The following ROBO1 variants were observed in gnomAD, a reference collection of about 807,000 sequenced individuals.
ROBO1 encodes roundabout guidance receptor 1, also known as roundabout homolog 1.
In ROBO1, 149 loss-of-function variants were observed where a neutral mutation model predicts 195.9. The ratio of observed to expected loss-of-function variants is 0.76; its 90% CI spans 0.67 to 0.87. The LOEUF (loss-of-function observed/expected upper bound fraction) is 0.87, where lower values mean the gene tolerates loss of function less well. Among genes scored for constraint, ROBO1 ranks in the 40% least tolerant of loss-of-function variants. The probability of loss-of-function intolerance (pLI) is 0.00; values close to 1 mark genes in which losing one functional copy is unlikely to be tolerated. For synonymous variants in ROBO1, 816 were observed against 733.2 expected (o/e 1.11, Z -1.82); for missense variants, 1,933 against 2,068.3 (o/e 0.93, Z 1.27).
intron 4 of ROBO1, among the ~76,000 whole-genome samples, chr3:78,785,462 T>A (rs1291754278): frequency 6.6e-6 from 1 of 152,198 alleles, no homozygotes; most frequent in African/African-American, 2.4e-5. Context: ...AACACTAAAC[T>A]GTAGGCTGCT....
chr3:79,688,386 G>A (rs1267340137), intron 1 of ROBO1, among the ~76,000 whole-genome samples: 5 of 151,778 alleles, frequency 3.3e-5, no homozygotes, highest in African/African-American at 7.3e-5. Context: ...AAATCACACA[G>A]CTTTTTCTTT....
intron 4 of ROBO1, among the ~76,000 whole-genome samples, chr3:78,898,259 G>A (rs927999060): frequency 2.6e-4 from 39 of 148,934 alleles, no homozygotes; most frequent in Non-Finnish European, 4.9e-4. Context: ...CTTTAGAGAT[G>A]TGTTTTTGTT....
chr3:78,805,078 A>G (rs1222279138), intron 4 of ROBO1, among the ~76,000 whole-genome samples: 1 of 152,054 alleles, frequency 6.6e-6, no homozygotes, highest in Non-Finnish European at 1.5e-5. Context: ...TACAGGATTC[A>G]TTATGATTCA....
At chr3:78,737,399 A>AT (rs1339399723) in intron 5 of ROBO1, among the ~76,000 whole-genome samples, 3 of 152,284 alleles carry the variant, frequency 2.0e-5, no homozygotes, top group South Asian at 4.1e-4. Context: ...TCAAATAGGT[A>AT]TACTAACAAC....
intron 1 of ROBO1, among the ~76,000 whole-genome samples, chr3:79,626,465 C>A (rs1222323538): frequency 6.6e-6 from 1 of 151,802 alleles, no homozygotes; most frequent in East Asian, 1.9e-4. Context: ...AACAAAAAAA[C>A]CTCTCAATAA....
At chr3:79,001,064 T>C (rs982788165) in intron 3 of ROBO1, among the ~76,000 whole-genome samples, 1 of 151,496 alleles carries the variant, frequency 6.6e-6, no homozygotes, top group African/African-American at 2.4e-5. Flanking sequence ...AAGTGGGAGC[T>C]GAACAATGAG....
chr3:78,950,236 C>T (rs1204685718), intron 3 of ROBO1, among the ~76,000 whole-genome samples: 1 of 151,978 alleles, frequency 6.6e-6, no homozygotes, highest in African/African-American at 2.4e-5. Context: ...GCACTATTCA[C>T]AATAGCAAAG....
intron 1 of ROBO1, among the ~76,000 whole-genome samples, chr3:79,736,921 T>G (rs796540736): frequency 1.3e-5 from 2 of 152,232 alleles, no homozygotes; most frequent in East Asian, 3.8e-4. Context: ...AAATTCAGTG[T>G]AATTTAACTG....
intron 1 of ROBO1, among the ~76,000 whole-genome samples, chr3:79,665,269 T>A (rs1308386935): frequency 6.6e-6 from 1 of 151,960 alleles, no homozygotes; most frequent in Non-Finnish European, 1.5e-5. Context: ...TATGATTTCA[T>A]ATACTGTTAT....
At chr3:78,758,721 G>T (rs1321982165) in intron 4 of ROBO1, among the ~76,000 whole-genome samples, 1 of 152,062 alleles carries the variant, frequency 6.6e-6, no homozygotes, top group African/African-American at 2.4e-5. Context: ...CATGGAAATA[G>T]AGTGTTTACA....
At chr3:79,477,502 T>C (rs1938606369) in intron 2 of ROBO1, among the ~76,000 whole-genome samples, 1 of 152,122 alleles carries the variant, frequency 6.6e-6, no homozygotes, top group South Asian at 2.1e-4. Context: ...GGATGATTTA[T>C]GATATGCAAG....
chr3:79,581,042 G>A (rs188795423), intron 2 of ROBO1, among the ~76,000 whole-genome samples: 3 of 152,228 alleles, frequency 2.0e-5, no homozygotes, highest in Admixed American at 2.0e-4. Flanking sequence ...AGAGAAAGCA[G>A]AATAAATGAA....
intron 2 of ROBO1, among the ~76,000 whole-genome samples, chr3:79,239,060 C>T (rs1213426241): frequency 6.6e-6 from 1 of 152,180 alleles, no homozygotes; most frequent in African/African-American, 2.4e-5. Flanking sequence ...GCACATTCTC[C>T]AGCCTCATTT....
chr3:79,533,905 G>C (rs1382047590), intron 2 of ROBO1, among the ~76,000 whole-genome samples: 3 of 151,948 alleles, frequency 2.0e-5, no homozygotes, highest in Non-Finnish European at 4.4e-5. Context: ...TTTCCTTACA[G>C]GGCAGAAGAG....
At chr3:79,095,809 A>G (rs141201269) in intron 3 of ROBO1, among the ~76,000 whole-genome samples, 1 of 152,128 alleles carries the variant, frequency 6.6e-6, no homozygotes, top group East Asian at 1.9e-4. Flanking sequence ...CCATTATTCC[A>G]AAAATACCAC....
intron 4 of ROBO1, among the ~76,000 whole-genome samples, chr3:78,845,262 GCA>G (rs2033578263): frequency 1.3e-5 from 2 of 149,786 alleles, no homozygotes; most frequent in African/African-American, 5.1e-5. Context: ...TATAAAATGT[GCA>G]CAGATTTTAG....
At chr3:79,623,860 C>A (rs189409824) in intron 1 of ROBO1, among the ~76,000 whole-genome samples, 2 of 152,102 alleles carry the variant, frequency 1.3e-5, no homozygotes, top group Admixed American at 1.3e-4. Context: ...CACTAAGACA[C>A]TCCATGAGAA....
intron 2 of ROBO1, among the ~76,000 whole-genome samples, chr3:79,307,112 G>A (rs1036824968): frequency 6.6e-6 from 1 of 152,104 alleles, no homozygotes; most frequent in Non-Finnish European, 1.5e-5. Context: ...GGAAGTGTTT[G>A]CAGAAGTCAT....
intron 3 of ROBO1, among the ~76,000 whole-genome samples, chr3:79,037,282 C>G (rs2078398076): frequency 6.6e-6 from 1 of 152,168 alleles, no homozygotes; most frequent in South Asian, 2.1e-4. Flanking sequence ...AAGGGCTTCT[C>G]TGTATGAATA....
Sources: gnomAD v4.1 joint callset for allele counts (sites outside exome capture counted in the v4.1 genomes callset) on GRCh38, gnomAD v4.1.1 for gene constraint, MANE v1.5 for transcripts, NCBI Gene and HGNC (gene_info 2026-07-23, HGNC 2026-07-21) for gene names.